BPGM: variants seen among roughly 807,000 people sequenced by gnomAD.
BPGM encodes the protein bisphosphoglycerate mutase.
A neutral mutation model predicts 21.6 loss-of-function variants in BPGM; 15 were observed. That is an observed-to-expected ratio of 0.70 (90% CI 0.47 to 1.07). The LOEUF (loss-of-function observed/expected upper bound fraction) is 1.07. Among genes scored for constraint, BPGM ranks in the 50% least tolerant of loss-of-function variants. The pLI is 0.00. For synonymous variants in BPGM, 113 were observed against 116.2 expected (o/e 0.97, Z 0.18); for missense variants, 273 against 319.0 (o/e 0.86, Z 1.10).
chr7:134,677,514 G>A (rs1374602660), intron 2 of BPGM, among the ~76,000 whole-genome samples: 2 of 152,194 alleles, frequency 1.3e-5, no homozygotes, highest in East Asian at 1.9e-4. Flanking sequence ...CACCCCAGCA[G>A]TAAGCATCCA....
chr7:134,654,127 T>TACACACAC (rs5887693), intron 1 of BPGM, among the ~76,000 whole-genome samples: 6 of 150,378 alleles, frequency 4.0e-5, no homozygotes, highest in East Asian at 2.0e-4. Flanking sequence ...GAGTTTTAGG[T>TACACACAC]ACACACACAC....
At chr7:134,675,928 G>T (rs1233754628) in intron 2 of BPGM, among the ~76,000 whole-genome samples, 1 of 152,044 alleles carries the variant, frequency 6.6e-6, no homozygotes, top group Non-Finnish European at 1.5e-5. Context: ...TACTTCTTAG[G>T]TTAAATTTAT....
chr7:134,676,907 G>A (rs748779293), intron 2 of BPGM, among the ~76,000 whole-genome samples: 7 of 152,170 alleles, frequency 4.6e-5, no homozygotes, highest in East Asian at 1.9e-4. Context: ...GCTGTTGTGC[G>A]GCTAGCTGAC....
Position 134,661,981 on chromosome 7 carries a change from A to T in BPGM, c.474A>T (p.Leu158Phe), listed in dbSNP as rs1193632700. Residue 158 changes from leucine (L) to phenylalanine (F), a missense_variant, in exon 2 of 3, where the codon TTA becomes TTT. By Grantham distance (22) the Leu-to-Phe change is conservative (BLOSUM62 0). Coordinates refer to ENST00000344924, the MANE Select transcript of BPGM (RefSeq NM_001724.5). The surrounding 1 kb of genome is among the most constrained non-coding windows in gnomAD (Gnocchi z 4.6). The part of the protein sequence containing the change: ...PLDQLPRSES[L>F]KDVLERLLPY... ...ATCAACTGCCACGGTCGGAAAGCTT[A>T]AAGGATGTTCTGGAGAGACTCCTTC... is the stretch of plus-strand genomic sequence containing the variant. 24 of 1,614,088 alleles carry T rather than the reference A, an allele frequency of 1.5e-5. No homozygotes were observed. Among genetic ancestry groups the T allele is most frequent in the Non-Finnish European group, 1.9e-5 (23 of 1,180,044 alleles).
At chr7:134,675,757 C>T (rs1346807719) in intron 2 of BPGM, among the ~76,000 whole-genome samples, 2 of 152,012 alleles carry the variant, frequency 1.3e-5, no homozygotes, top group Non-Finnish European at 2.9e-5. Context: ...TCAATTTATA[C>T]AAAAAAGTCC....
At chr7:134,662,713 T>C (rs528120318) in intron 2 of BPGM, among the ~76,000 whole-genome samples, 1 of 152,352 alleles carries the variant, frequency 6.6e-6, no homozygotes, top group Non-Finnish European at 1.5e-5. Context: ...GGCTTAGTCA[T>C]TGACTGGAAG....
chr7:134,675,678 T>C (rs1242329297), intron 2 of BPGM, among the ~76,000 whole-genome samples: 4 of 152,204 alleles, frequency 2.6e-5, no homozygotes, highest in African/African-American at 4.8e-5. Flanking sequence ...GGTTTATTTC[T>C]TCTTTTTCAA....
At chr7:134,671,184 C>T (rs1350993808) in intron 2 of BPGM, among the ~76,000 whole-genome samples, 1 of 152,086 alleles carries the variant, frequency 6.6e-6, no homozygotes, top group East Asian at 1.9e-4. Flanking sequence ...TTCACTAAAT[C>T]AGGTCTTGTT....
intron 2 of BPGM, among the ~76,000 whole-genome samples, chr7:134,669,000 C>T (rs1209811906): frequency 1.3e-5 from 2 of 152,064 alleles, no homozygotes; most frequent in Non-Finnish European, 2.9e-5. Context: ...ATGCAGTTGT[C>T]AAAACTCATA....
chr7:134,664,378 T>C (rs571430945), intron 2 of BPGM, among the ~76,000 whole-genome samples: 1 of 152,326 alleles, frequency 6.6e-6, no homozygotes, highest in East Asian at 1.9e-4. Context: ...GTTCTGTGGC[T>C]TGCAGAAGCA....
chr7:134,649,709 G>T (rs761812435), intron 1 of BPGM, among the ~76,000 whole-genome samples: 1 of 152,168 alleles, frequency 6.6e-6, no homozygotes, highest in Non-Finnish European at 1.5e-5. Flanking sequence ...TAAAGCATTT[G>T]GATTGCAGAA....
chr7:134,646,897 G>GGCTGCTGCTGCTGCTGCTGCT lies in BPGM; in HGVS notation c.-97_-77dup, dbSNP rs147174635. ...TGGCTCTTTGGCGGCTCGGAGGAGCGGCTGCTGCTGCTGCTGCTGCTGCTG... is the reference window on the plus strand; with the variant it reads ...TGGCTCTTTGGCGGCTCGGAGGAGCGGCTGCTGCTGCTGCTGCTGCTGCTGCTGCTGCTGCTGCTGCTGCTG... On this transcript the variant is annotated 5_prime_UTR_variant, in exon 1 of 3. Transcript: ENST00000344924. 2.6e-4 allele frequency: 49 copies of GGCTGCTGCTGCTGCTGCTGCT among 185,926 alleles called. 2 individuals carry two copies. The highest frequency in any genetic ancestry group is 9.9e-4 in the African/African-American group (42 of 42,220). 11.5% of individuals were successfully genotyped at this position (185,926 alleles called of 1,614,324 possible).
In BPGM at chr7:134,661,848, T is replaced by G; in HGVS notation, c.341T>G (p.Leu114Arg). ...AATCATGGTGAAGAACAAGTGAGGC[T>G]CTGGAGAAGAAGCTACAATGTAACC... ...ALNHGEEQVRLWRRSYNVTPP... is the reference protein window; with the variant it reads ...ALNHGEEQVRRWRRSYNVTPP... Residue 114 changes from leucine to arginine, a missense_variant, in exon 2 of 3, where the codon CTC becomes CGC. By Grantham distance (102) the Leu-to-Arg change is moderately radical. Transcript: ENST00000344924. The surrounding 1 kb of genome is among the most constrained non-coding windows in gnomAD (Gnocchi z 4.6). 6.2e-7 allele frequency: 1 copy of G among 1,608,066 alleles called. No individual in the cohort carries two copies. The highest frequency in any genetic ancestry group is 8.5e-7 in the Non-Finnish European group (1 of 1,176,338).
chr7:134,674,723 G>A (rs922401501), intron 2 of BPGM, among the ~76,000 whole-genome samples: 1 of 152,162 alleles, frequency 6.6e-6, no homozygotes, highest in Admixed American at 6.5e-5. Flanking sequence ...CTGCTATGAA[G>A]GTTTGTGTAC....
chr7:134,650,603 T>C (rs1382788637), intron 1 of BPGM, among the ~76,000 whole-genome samples: 1 of 152,192 alleles, frequency 6.6e-6, no homozygotes, highest in Non-Finnish European at 1.5e-5. Flanking sequence ...GAACTTGATT[T>C]GGGGGAAGGC....
intron 1 of BPGM, chr7:134,658,479 A>G (rs1795676899): frequency 6.6e-6 from 1 of 152,234 alleles, no homozygotes; most frequent in Non-Finnish European, 1.5e-5. Context: ...CACTCTGCAT[A>G]GTCCAGCTGC....
At chr7:134,652,543 C>T (rs1380179445) in intron 1 of BPGM, among the ~76,000 whole-genome samples, 2 of 152,018 alleles carry the variant, frequency 1.3e-5, no homozygotes, top group African/African-American at 4.8e-5. Flanking sequence ...ATTATTATCA[C>T]CCTATTGTGC....
At position 134,668,519 on chromosome 7, in the gene BPGM, G is replaced by T. The variant is rs1448545224; in HGVS notation, c.601+6411G>T. ...ATGGCACACTCTAGCATAGCTATACGGGATGACCTTTATTCAGTGCATACT... is the reference window on the plus strand; with the variant it reads ...ATGGCACACTCTAGCATAGCTATACTGGATGACCTTTATTCAGTGCATACT... On this transcript the variant is annotated intron_variant, in intron 2 of 2. Coordinates refer to ENST00000344924, the MANE Select transcript of BPGM (RefSeq NM_001724.5). 2.6e-5 allele frequency among the ~76,000 whole-genome samples: 4 copies of T among 152,108 alleles called. No individual in the cohort carries two copies. The East Asian group carries it at 7.7e-4, about 29-fold the overall frequency.
chr7:134,672,941 G>A (rs1268545867), intron 2 of BPGM, among the ~76,000 whole-genome samples: 2 of 152,108 alleles, frequency 1.3e-5, no homozygotes, highest in African/African-American at 2.4e-5. Context: ...TTGGGAGGCC[G>A]AGGCGGGCAG....
Sources: allele counts gnomAD v4.1 joint callset (sites outside exome capture counted in the v4.1 genomes callset), GRCh38; gene constraint gnomAD v4.1.1; non-coding constraint Gnocchi (gnomAD v3.1); transcripts MANE v1.5; gene names NCBI Gene and HGNC (gene_info 2026-07-23, HGNC 2026-07-21).